The following ZNF490 variants were observed in gnomAD, a reference collection of about 807,000 sequenced individuals.
The protein encoded by ZNF490 is zinc finger protein 490.
Under a neutral mutation model 17.7 loss-of-function variants are expected in ZNF490, and 11 were observed. The observed-to-expected ratio is 0.62, with a 90% CI of 0.39 to 1.03. The LOEUF (loss-of-function observed/expected upper bound fraction) is 1.03, where lower values mean the gene tolerates loss of function less well. Among genes scored for constraint, ZNF490 ranks in the 50% least tolerant of loss-of-function variants. The probability of loss-of-function intolerance (pLI) is 0.00; values close to 1 mark genes in which losing one functional copy is unlikely to be tolerated. For missense variants in ZNF490, 542 were observed against 643.4 expected, an observed-to-expected ratio of 0.84 and a Z score of 1.71; for synonymous variants, 222 against 216.1, an observed-to-expected ratio of 1.03 and a Z score of -0.24.
Position 12,610,713 on chromosome 19 carries a change from GA to G in ZNF490, c.-34del. On this transcript the variant is annotated 5_prime_UTR_variant, in exon 1 of 5. Coordinates refer to ENST00000311437, the MANE Select transcript of ZNF490 (RefSeq NM_020714.3). ...CCCGCATCCAGAAACACTGCAGGAA[GA>G]CTTCCGTGTCCGACCCGAGATCCGG... 1 of 1,597,324 alleles carries G rather than the reference GA, an allele frequency of 6.3e-7. No homozygotes were observed. The highest frequency in any genetic ancestry group is 8.6e-7 in the Non-Finnish European group (1 of 1,166,918).
chr19:12,591,548 A>G (rs2022871590), intron 2 of ZNF490, among the ~76,000 whole-genome samples: 1 of 152,160 alleles, frequency 6.6e-6, no homozygotes, highest in Non-Finnish European at 1.5e-5. Flanking sequence ...CAGGAAGACA[A>G]TCCAATTAAA....
At chr19:12,593,545 C>CA (rs1411356946) in intron 2 of ZNF490, among the ~76,000 whole-genome samples, 3 of 152,114 alleles carry the variant, frequency 2.0e-5, no homozygotes, top group Non-Finnish European at 4.4e-5. Flanking sequence ...CCACCACACC[C>CA]AGCCTAATAT....
At chr19:12,605,864 C>T (rs1409095235) in intron 2 of ZNF490, among the ~76,000 whole-genome samples, 1 of 151,754 alleles carries the variant, frequency 6.6e-6, no homozygotes, top group Non-Finnish European at 1.5e-5. Context: ...TATTTGAGAC[C>T]CTCGAATAGG....
Position 12,578,827 on chromosome 19 carries a change from A to G in ZNF490, c.*1658T>C, listed in dbSNP as rs2022679047. ...GCCACAAAAGGCCTGCTGGGGCCCA[A>G]GTCCTTCTTCCCCATTCCTTTAATT... On this transcript the variant is annotated 3_prime_UTR_variant, in exon 5 of 5. Coordinates refer to ENST00000311437, the MANE Select transcript of ZNF490 (RefSeq NM_020714.3). 1.0e-6 allele frequency: 1 copy of G among 985,376 alleles called. No individual in the cohort carries two copies. The highest frequency in any genetic ancestry group is 6.2e-5 in the Admixed American group (1 of 16,258). 61.0% of individuals were successfully genotyped at this position (985,376 alleles called of 1,614,324 possible).
chr19:12,598,650 T>A (rs572507994), intron 2 of ZNF490, among the ~76,000 whole-genome samples: 53 of 151,026 alleles, frequency 3.5e-4, no homozygotes, highest in Non-Finnish European at 6.3e-4. Context: ...GTGCTGGGAT[T>A]ACAGGCCTGA....
intron 2 of ZNF490, among the ~76,000 whole-genome samples, chr19:12,590,273 G>A (rs1010234473): frequency 1.3e-5 from 2 of 148,928 alleles, no homozygotes; most frequent in East Asian, 4.0e-4. Context: ...GAGTGCACTG[G>A]TGCCATCTCA....
At chr19:12,594,299 C>G (rs1327211117) in intron 2 of ZNF490, among the ~76,000 whole-genome samples, 1 of 151,976 alleles carries the variant, frequency 6.6e-6, no homozygotes, top group Non-Finnish European at 1.5e-5. Context: ...AACCCCGTCT[C>G]TACTAAAAAT....
chr19:12,610,438 C>T (rs2023134210), intron 1 of ZNF490, 126 bp downstream of exon 1: 2 of 826,092 alleles, frequency 2.4e-6, no homozygotes, highest in African/African-American at 3.4e-5. Context: ...CGCCTCAACG[C>T]TGTTATGGTC....
chr19:12,581,997 C>T (rs1240376171), intron 4 of ZNF490, among the ~76,000 whole-genome samples: 2 of 152,212 alleles, frequency 1.3e-5, no homozygotes, highest in African/African-American at 4.8e-5. Context: ...TCTCAGCTCA[C>T]TGCAACCTCC....
At chr19:12,592,589 G>C (rs887094881) in intron 2 of ZNF490, among the ~76,000 whole-genome samples, 1 of 152,052 alleles carries the variant, frequency 6.6e-6, no homozygotes, top group Non-Finnish European at 1.5e-5. Context: ...AATAGGAGAA[G>C]CACAGGGGAT....
At chr19:12,594,508 G>T (rs1478729186) in intron 2 of ZNF490, among the ~76,000 whole-genome samples, 1 of 151,868 alleles carries the variant, frequency 6.6e-6, no homozygotes, top group Admixed American at 6.6e-5. Flanking sequence ...AGCATCTATA[G>T]TGCTCTGGAG....
Position 12,577,401 on chromosome 19 carries a change from A to C in ZNF490, c.*3084T>G. ...GGAATCTCGAACTTCCTGACCTCCC[A>C]CAGTACAATAATCATCTCTCTACAA... On this transcript the variant is annotated 3_prime_UTR_variant, in exon 5 of 5. Coordinates refer to ENST00000311437, the MANE Select transcript of ZNF490 (RefSeq NM_020714.3). 4 of 982,012 alleles carry C rather than the reference A, an allele frequency of 4.1e-6. No homozygotes were observed. The highest frequency in any genetic ancestry group is 4.8e-6 in the Non-Finnish European group (4 of 826,854). The allele number at this position is 982,012 out of a possible 1,614,324, so 60.8% of individuals were successfully genotyped here.
At position 12,579,724 on chromosome 19, in the gene ZNF490, T is replaced by C. The variant is rs573127706; in HGVS notation, c.*761A>G. ...TACTTGGAAGGCTGAGGCAGAAGAA[T>C]TGCTTGAACCCAGAGGTTACAGTGA... On this transcript the variant is annotated 3_prime_UTR_variant, in exon 5 of 5. Transcript: ENST00000311437. The C allele has an allele frequency of 2.0e-5, 3 of 152,156 alleles. No homozygotes were observed. The highest frequency in any genetic ancestry group is 6.6e-5 in the Admixed American group (1 of 15,230). The allele number at this position is 152,156 out of a possible 1,614,324, so 9.4% of individuals were successfully genotyped here.
chr19:12,598,381 CT>C (rs1165049825), intron 2 of ZNF490, among the ~76,000 whole-genome samples: 2 of 149,934 alleles, frequency 1.3e-5, no homozygotes, highest in South Asian at 2.1e-4. Flanking sequence ...TAATTCTCCC[CT>C]TTTTTTTTGG....
At chr19:12,603,837 A>C (rs977898529) in intron 2 of ZNF490, among the ~76,000 whole-genome samples, 2 of 151,640 alleles carry the variant, frequency 1.3e-5, no homozygotes, top group East Asian at 3.9e-4. Context: ...AAATAGCTCT[A>C]GAAGAGTTCC....
Position 12,576,449 on chromosome 19 carries a change from T to A in ZNF490, c.*4036A>T, listed in dbSNP as rs1167616152. 1.3e-5 allele frequency among the ~76,000 whole-genome samples: 2 copies of A among 150,578 alleles called. No individual in the cohort carries two copies. Among genetic ancestry groups the A allele is most frequent in the African/African-American group, 4.9e-5 (2 of 40,794 alleles). On this transcript the variant is annotated 3_prime_UTR_variant, in exon 5 of 5. Transcript: ENST00000311437. ...TGAACCTGGGAGGCAGAGATTGCAG[T>A]GAGCCGAGATCATGCCACTGCAGTC...
In ZNF490 at chr19:12,581,356, T is replaced by G; in HGVS notation, c.719A>C (p.His240Pro). ...TGTCTCTCCAGTATGAATTCTTATA[T>G]GGTTTCGAAAGGAAAAGAGAAATGC... Reference protein sequence around the residue: ...AFAFLFSFRNHIRIHTGETPY... With the variant: ...AFAFLFSFRNPIRIHTGETPY... The change falls in exon 5 of 5, where the codon CAT (histidine) becomes CCT (proline). Residue 240 changes from histidine to proline, a missense_variant. Physicochemically the swap from His to Pro is moderately conservative, Grantham distance 77 (BLOSUM62 -2). Coordinates refer to ENST00000311437, the MANE Select transcript of ZNF490 (RefSeq NM_020714.3). The G allele has an allele frequency of 2.5e-6, 4 of 1,614,172 alleles. No homozygotes were observed. The highest frequency in any genetic ancestry group is 1.7e-6 in the Non-Finnish European group (2 of 1,180,012).
chr19:12,596,967 TCCGGGG>T (rs999127823), intron 2 of ZNF490, among the ~76,000 whole-genome samples: 3 of 152,130 alleles, frequency 2.0e-5, no homozygotes, highest in Non-Finnish European at 2.9e-5. Context: ...CGGAAAGGGC[TCCGGGG>T]CCGGGGCCGC....
At chr19:12,601,867 T>G (rs1053539818) in intron 2 of ZNF490, among the ~76,000 whole-genome samples, 8 of 150,230 alleles carry the variant, frequency 5.3e-5, no homozygotes, top group Non-Finnish European at 8.9e-5. Context: ...GGTGGCAGGC[T>G]CCTGTAGTCC....
Sources: gnomAD v4.1 joint callset for allele counts (sites outside exome capture counted in the v4.1 genomes callset) on GRCh38, gnomAD v4.1.1 for gene constraint, MANE v1.5 for transcripts, NCBI Gene and HGNC (gene_info 2026-07-23, HGNC 2026-07-21) for gene names.